The following NUP214 variants were observed in gnomAD, a reference collection of about 807,000 sequenced individuals.
NUP214 encodes nucleoporin 214, also known as nuclear pore complex protein Nup214.
A neutral mutation model predicts 196.2 loss-of-function variants in NUP214; 79 were observed. The observed-to-expected ratio is 0.40, with a 90% CI of 0.34 to 0.49. The LOEUF (loss-of-function observed/expected upper bound fraction) is 0.49, where lower values mean the gene tolerates loss of function less well. NUP214 is among the 20% of genes least tolerant of loss of function. The pLI is 0.58. For missense variants in NUP214, 2,468 were observed against 2,539.0 expected, an observed-to-expected ratio of 0.97 and a Z score of 0.60; for synonymous variants, 1,020 against 990.5, an observed-to-expected ratio of 1.03 and a Z score of -0.56.
Position 131,197,646 on chromosome 9 carries a change from G to T in NUP214, c.4152G>T (p.Thr1384=), listed in dbSNP as rs191753687. The T allele has an allele frequency of 1.1e-5, 17 of 1,614,074 alleles. 2 individuals are homozygous for T. In the South Asian group the frequency reaches 1.8e-4, roughly 17 times the overall value. The change falls in exon 29 of 36, where the codon ACG becomes ACT. Residue 1384 remains threonine (T), a synonymous_variant. Coordinates refer to ENST00000359428, the MANE Select transcript of NUP214 (RefSeq NM_005085.4). ...FTAPPVLGKH[T]EPPVTSSATT... is the part of the protein sequence containing the mutation. ...CCCCCCCGGTGTTAGGGAAGCACAC[G>T]GAGCCCCCTGTGACATCCTCTGCAA...
Position 131,146,185 on chromosome 9 carries a change from T to C in NUP214, c.1826T>C (p.Met609Thr). 2 of 1,614,200 alleles carry C rather than the reference T, an allele frequency of 1.2e-6. No individual in the cohort carries two copies. Among genetic ancestry groups the C allele is most frequent in the South Asian group, 1.1e-5 (1 of 91,078 alleles). ...AGTAGCTCCCAGAGCGCACCCCCGA[T>C]GTCGCCATTCTCTTCTGCCTCCAAG... is the stretch of plus-strand genomic sequence containing the variant. The part of the protein sequence containing the change: ...PVSSSQSAPP[M>T]SPFSSASKPA... Residue 609 changes from methionine to threonine, a missense_variant, in exon 13 of 36, where the codon ATG becomes ACG. By Grantham distance (81) the Met-to-Thr change is moderately conservative. Coordinates refer to ENST00000359428, the MANE Select transcript of NUP214 (RefSeq NM_005085.4). This position sits in a 1 kb window ranked among gnomAD's most constrained non-coding sequence, Gnocchi z 4.6.
chr9:131,161,866 G>A (rs941428930), intron 18 of NUP214, among the ~76,000 whole-genome samples: 11 of 152,178 alleles, frequency 7.2e-5, no homozygotes, highest in African/African-American at 1.2e-4. Context: ...GGCGCTTATG[G>A]TGTATAGCCT....
rs767149809 is a variant in NUP214, at chr9:131,228,134, T to G, written c.5903-26T>G. 2.0e-6 allele frequency: 3 copies of G among 1,532,408 alleles called. No individual in the cohort carries two copies. In the Admixed American group the frequency reaches 6.9e-5, roughly 35 times the overall value. 94.9% of individuals were successfully genotyped at this position (1,532,408 alleles called of 1,614,324 possible). ...CTCCTCCTTTCTTTCTCCCTATTTC[T>G]GTTTGTTTGCCTCTGTTTTGCTCAG... On this transcript the variant is annotated intron_variant, in intron 32 of 35. Transcript: ENST00000359428.
chr9:131,222,946 T>C lies in NUP214; in HGVS notation c.5902+16T>C. 1 of 1,609,472 alleles carries C rather than the reference T, an allele frequency of 6.2e-7. No individual in the cohort carries two copies. Among genetic ancestry groups the C allele is most frequent in the Non-Finnish European group, 8.5e-7 (1 of 1,177,286 alleles). ...AACAAAACAGGTACTCCTATGTCTA[T>C]TTGTTATGGTTATCTTTATATATGT... On this transcript the variant is annotated intron_variant, in intron 32 of 35. Coordinates refer to ENST00000359428, the MANE Select transcript of NUP214 (RefSeq NM_005085.4).
chr9:131,187,401 T>C, intron 25 of NUP214, 37 bp downstream of exon 25: 8 of 1,501,744 alleles, frequency 5.3e-6, no homozygotes, highest in Non-Finnish European at 7.3e-6. Flanking sequence ...TTTTTTTTTT[T>C]TTTGAGACAG....
chr9:131,147,630 G>A (rs1391633266), intron 14 of NUP214, 46 bp downstream of exon 14: 4 of 1,325,802 alleles, frequency 3.0e-6, no homozygotes, highest in East Asian at 4.6e-5. Flanking sequence ...TTAATTTACT[G>A]CCCCAAGCAT....
intron 18 of NUP214, among the ~76,000 whole-genome samples, chr9:131,162,016 T>TC (rs1168690132): frequency 6.6e-6 from 1 of 152,200 alleles, no homozygotes; most frequent in Non-Finnish European, 1.5e-5. Context: ...TTTTTTGATT[T>TC]TTTTTTTAAG....
rs1312397987 is a variant in NUP214 at position 131,189,110 on chromosome 9, T to A, written c.3553T>A (p.Ser1185Thr). The A allele has an allele frequency of 6.2e-7, 1 of 1,614,098 alleles. No homozygotes were observed. ...SGPTPASGQLSSGDKASGTAK... is the reference protein window; with the variant it reads ...SGPTPASGQLTSGDKASGTAK... ...GCCTACACCAGCATCCGGTCAGTTA[T>A]CATCTGGTGACAAAGCTTCAGGTCA... Residue 1185 changes from serine (S) to threonine (T), a missense_variant, in exon 26 of 36, where the codon TCA becomes ACA. By Grantham distance (58) the Ser-to-Thr change is moderately conservative. Transcript: ENST00000359428.
chr9:131,149,366 T>G (rs1326885871), intron 14 of NUP214, among the ~76,000 whole-genome samples: 1 of 151,638 alleles, frequency 6.6e-6, no homozygotes, highest in Non-Finnish European at 1.5e-5. Context: ...AACTCTTGAT[T>G]TCTGTCTCCC....
chr9:131,137,403 T>A (rs1831762199), intron 9 of NUP214, among the ~76,000 whole-genome samples: 1 of 152,158 alleles, frequency 6.6e-6, no homozygotes, highest in Non-Finnish European at 1.5e-5. Context: ...TTTTAGACCT[T>A]ACTGACTGTA....
rs1233394367 is a variant in NUP214 at position 131,144,649 on chromosome 9, C to T, written c.1664C>T (p.Pro555Leu). The T allele has an allele frequency of 1.9e-6, 3 of 1,614,044 alleles. No individual in the cohort carries two copies. The highest frequency in any genetic ancestry group is 2.5e-6 in the Non-Finnish European group (3 of 1,180,032). The change falls in exon 12 of 36, where the codon CCT becomes CTT. Residue 555 changes from proline to leucine, a missense_variant. Coordinates refer to ENST00000359428, the MANE Select transcript of NUP214 (RefSeq NM_005085.4). ...SFSFGSSGFK[P>L]TLESTPVPSV... ...TCCTTTGGATCATCTGGTTTTAAGC[C>T]TACCCTGGAAAGCACACCAGTGCCA...
At chr9:131,173,018 C>T (rs561966723) in intron 21 of NUP214, among the ~76,000 whole-genome samples, 10 of 152,142 alleles carry the variant, frequency 6.6e-5, no homozygotes, top group African/African-American at 2.4e-4. Flanking sequence ...AACAGAAGGC[C>T]GGGATTCAGT....
At position 131,125,900 on chromosome 9, in the gene NUP214, C is replaced by T. The variant is rs143538603; in HGVS notation, c.45+151C>T. 1.1e-3 allele frequency: 1,000 copies of T among 935,262 alleles called. 6 individuals are homozygous for T. In the African/African-American group the frequency reaches 0.015, roughly 14 times the overall value. The allele number at this position is 935,262 out of a possible 1,614,324, so 57.9% of individuals were successfully genotyped here. ...TCTCACCAGCGCGTCTGCCGCGCCG[C>T]TGGCGTGATAGCCCCACCGAATGCA... On this transcript the variant is annotated intron_variant, in intron 1 of 35. Coordinates refer to ENST00000359428, the MANE Select transcript of NUP214 (RefSeq NM_005085.4). This position sits in a 1 kb window ranked among gnomAD's most constrained non-coding sequence, Gnocchi z 4.1.
chr9:131,163,826 T>G (rs1420248678), intron 19 of NUP214, 44 bp from the exon 20 acceptor site: 2 of 1,484,238 alleles, frequency 1.3e-6, no homozygotes, highest in African/African-American at 2.8e-5. Context: ...GCCTCCGATC[T>G]TTCAGCTCCT....
At chr9:131,179,572 G>A (rs1833209495) in intron 24 of NUP214, among the ~76,000 whole-genome samples, 1 of 152,154 alleles carries the variant, frequency 6.6e-6, no homozygotes, top group Admixed American at 6.5e-5. Context: ...CAGCAAGAAG[G>A]GCAGCCATAG....
In NUP214 at chr9:131,232,363, G is replaced by A. The variant is rs989406372; in HGVS notation, c.6239+55G>A. The A allele has an allele frequency of 6.6e-7, 1 of 1,517,678 alleles. No individual in the cohort carries two copies. The highest frequency in any genetic ancestry group is 9.2e-7 in the Non-Finnish European group (1 of 1,091,684). 94.0% of individuals were successfully genotyped at this position (1,517,678 alleles called of 1,614,324 possible). On this transcript the variant is annotated intron_variant, in intron 35 of 35. Transcript: ENST00000359428. The surrounding 1 kb of genome is among the most constrained non-coding windows in gnomAD (Gnocchi z 5.1). ...TAATTAAAAGCATTAAATAAGGTTG[G>A]AAGTGTGTGGATCTTGCTGGATTTG...
rs189964860 is a variant in NUP214 at position 131,163,472 on chromosome 9, A to G, written c.2723+299A>G. On this transcript the variant is annotated intron_variant, in intron 19 of 35. Coordinates refer to ENST00000359428, the MANE Select transcript of NUP214 (RefSeq NM_005085.4). ...ACCATAGTAACAGTGTCATGGTTTG[A>G]TTGAAAATCAGCTGATAGGATTAAG... 2.6e-5 allele frequency: 11 copies of G among 427,274 alleles called. No homozygotes were observed. In the East Asian group the frequency reaches 4.2e-4, roughly 16 times the overall value. 26.5% of individuals were successfully genotyped at this position (427,274 alleles called of 1,614,324 possible). A position where few individuals can be genotyped will look rare whatever the true frequency, so the allele number is the denominator to read the frequency against.
chr9:131,202,970 G>C (rs1008543990), intron 30 of NUP214, among the ~76,000 whole-genome samples: 1 of 149,658 alleles, frequency 6.7e-6, no homozygotes, highest in Non-Finnish European at 1.5e-5. Context: ...TTTTGAGACC[G>C]AGTGTCGCTC....
chr9:131,228,250 C>T lies in NUP214; in HGVS notation c.5993C>T (p.Pro1998Leu), dbSNP rs1834777805. The T allele has an allele frequency of 1.2e-6, 2 of 1,605,846 alleles. No individual in the cohort carries two copies. The highest frequency in any genetic ancestry group is 1.7e-5 in the Admixed American group (1 of 57,634). The stretch of plus-strand genomic sequence containing the variant: ...GGGGTGCCAGCATTCGGTTCAGCCC[C>T]AGCCTTTACAAGCCCTCTGGGCTCG... ...FGGVPAFGSA[P>L]AFTSPLGSTG... The change falls in exon 33 of 36, where the codon CCA becomes CTA. Residue 1998 changes from proline to leucine, a missense_variant. By Grantham distance (98) the Pro-to-Leu change is moderately conservative. Coordinates refer to ENST00000359428, the MANE Select transcript of NUP214 (RefSeq NM_005085.4).
Sources: allele counts gnomAD v4.1 joint callset (sites outside exome capture counted in the v4.1 genomes callset), GRCh38; gene constraint gnomAD v4.1.1; non-coding constraint Gnocchi (gnomAD v3.1); transcripts MANE v1.5; gene names NCBI Gene and HGNC (gene_info 2026-07-23, HGNC 2026-07-21).